The following PHC3 variants were observed in gnomAD, a reference collection of about 807,000 sequenced individuals.
PHC3 encodes the protein polyhomeotic homolog 3, also known as polyhomeotic-like protein 3.
In PHC3, 13 loss-of-function variants were observed where a neutral mutation model predicts 107.4. That is an observed-to-expected ratio of 0.12 (90% CI 0.08 to 0.19). The LOEUF is 0.19. PHC3 is among the 10% of genes least tolerant of loss of function. The pLI is 1.00. For synonymous variants in PHC3, 456 were observed against 427.4 expected (o/e 1.07, Z -0.83); for missense variants, 992 against 1,210.9 (o/e 0.82, Z 2.68).
intron 8 of PHC3, among the ~76,000 whole-genome samples, chr3:170,123,450 C>T (rs1178071492): frequency 6.6e-6 from 1 of 151,632 alleles, no homozygotes; most frequent in African/African-American, 2.4e-5. Context: ...GTTTTTAAGT[C>T]TATAACTTAA....
intron 10 of PHC3, among the ~76,000 whole-genome samples, chr3:170,114,759 T>C (rs1718571252): frequency 1.3e-5 from 2 of 152,212 alleles, no homozygotes; most frequent in Non-Finnish European, 2.9e-5. Flanking sequence ...ACAGAATGAC[T>C]AGAACATCTT....
rs186669081 is a variant in PHC3 at position 170,096,034 on chromosome 3, G to A, written c.*1196C>T. 4 of 152,288 alleles carry A rather than the reference G, an allele frequency of 2.6e-5. No homozygotes were observed. The highest frequency in any genetic ancestry group is 7.2e-5 in the African/African-American group (3 of 41,570). 9.4% of individuals were successfully genotyped at this position (152,288 alleles called of 1,614,324 possible). A position where few individuals can be genotyped will look rare whatever the true frequency, so the allele number is the denominator to read the frequency against. On this transcript the variant is annotated 3_prime_UTR_variant, in exon 15 of 15. Transcript: ENST00000495893. ...TCTGCTACAAACTATTTTCTTGCCA[G>A]AAAAGGCTGTGCACTAGTTCATAGG... is the stretch of plus-strand genomic sequence containing the variant.
intron 4 of PHC3, among the ~76,000 whole-genome samples, chr3:170,161,423 G>T (rs1727870008): frequency 6.6e-6 from 1 of 152,290 alleles, no homozygotes; most frequent in East Asian, 1.9e-4. Context: ...CACAGAGAAG[G>T]TGGGGAAAAT....
intron 1 of PHC3, 145 bp downstream of exon 1, chr3:170,181,557 C>G: frequency 8.3e-7 from 1 of 1,205,596 alleles, no homozygotes; most frequent in South Asian, 1.3e-5. Context: ...CGGGCCTAGC[C>G]GGCTCCTCCA....
intron 4 of PHC3, among the ~76,000 whole-genome samples, chr3:170,151,900 T>A (rs1577179376): frequency 6.6e-6 from 1 of 152,320 alleles, no homozygotes; most frequent in South Asian, 2.1e-4. Flanking sequence ...GAATGGTGAC[T>A]GGAGGAAGCT....
rs552135042 is a variant in PHC3 at position 170,129,287 on chromosome 3, T to G, written c.1185A>C (p.Thr395=). The change falls in exon 8 of 15, where the codon ACA becomes ACC. Residue 395 remains threonine (T), a synonymous_variant. Coordinates refer to ENST00000495893, the MANE Select transcript of PHC3 (RefSeq NM_024947.4). ...SPIQSHPSPL[T]VSPNQSQSAQ... ...CTGACTGTGACTGATTAGGAGACAC[T>G]GTTAAAGGAGAGGGATGACTCTGAA... The G allele has an allele frequency of 5.0e-6, 8 of 1,613,894 alleles. No individual in the cohort carries two copies. In the East Asian group the frequency reaches 1.1e-4, roughly 22 times the overall value.
At chr3:170,177,332 A>G (rs1353411412) in intron 2 of PHC3, among the ~76,000 whole-genome samples, 1 of 152,158 alleles carries the variant, frequency 6.6e-6, no homozygotes, top group Non-Finnish European at 1.5e-5. Flanking sequence ...ATAATCCTAT[A>G]AACTACATGC....
chr3:170,107,219 T>TA (rs35837798), intron 11 of PHC3, among the ~76,000 whole-genome samples: 43,966 of 151,482 alleles, frequency 0.29, 6,474 homozygotes, highest in East Asian at 0.49. Flanking sequence ...ATCTAAAATG[T>TA]AAAAAAAAAT....
chr3:170,137,838 G>A (rs748863210), intron 6 of PHC3, among the ~76,000 whole-genome samples: 1 of 152,150 alleles, frequency 6.6e-6, no homozygotes, highest in Non-Finnish European at 1.5e-5. Flanking sequence ...GGCAAAGGGT[G>A]CAGTGAGCCA....
At chr3:170,117,164 G>T in intron 10 of PHC3, 62 bp downstream of exon 10, 1 of 1,592,468 alleles carries the variant, frequency 6.3e-7, no homozygotes, top group Non-Finnish European at 8.6e-7. Context: ...ACAGTAATAT[G>T]TAACTTTTAA....
rs1714099113 is a variant in PHC3, at chr3:170,091,668, T to C, written c.*5562A>G. 1 of 152,162 alleles carries C rather than the reference T, an allele frequency of 6.6e-6. No homozygotes were observed. The allele number at this position is 152,162 out of a possible 1,614,324, so 9.4% of individuals were successfully genotyped here. A position where few individuals can be genotyped will look rare whatever the true frequency, so the allele number is the denominator to read the frequency against. On this transcript the variant is annotated 3_prime_UTR_variant, in exon 15 of 15. Coordinates refer to ENST00000495893, the MANE Select transcript of PHC3 (RefSeq NM_024947.4). ...TCAGAGCTGAAAAGGAGGGCAGAGA[T>C]TCTCCCTTAATGTATGTTTTCTAAA...
chr3:170,176,747 T>C (rs978631914), intron 2 of PHC3: 3 of 256,476 alleles, frequency 1.2e-5, no homozygotes, highest in African/African-American at 6.6e-5. Flanking sequence ...TCAATAAGTA[T>C]TAGCTATTAC....
intron 4 of PHC3, among the ~76,000 whole-genome samples, chr3:170,166,470 T>C (rs150754588): frequency 0.012 from 1,861 of 152,334 alleles, 40 homozygotes; most frequent in African/African-American, 0.042. Context: ...TAGACACATA[T>C]ACAGCATTTT....
At position 170,121,806 on chromosome 3, in the gene PHC3, T is replaced by C. The variant is rs146611542; in HGVS notation, c.1942+785A>G. 1.6e-4 allele frequency among the ~76,000 whole-genome samples: 24 copies of C among 152,368 alleles called. No homozygotes were observed. In the East Asian group the frequency reaches 2.9e-3, roughly 18 times the overall value. On this transcript the variant is annotated intron_variant, in intron 9 of 14. Coordinates refer to ENST00000495893, the MANE Select transcript of PHC3 (RefSeq NM_024947.4). ...CTTTTGAAAGAATTTTCATTTATTC[T>C]AATTTTTAAACTAGAAATAGTCTGA...
At position 170,123,356 on chromosome 3, in the gene PHC3, T is replaced by TACACACACACACACACACACACAC. The variant is rs3980601; in HGVS notation, c.1789-613_1789-612insGTGTGTGTGTGTGTGTGTGTGTGT. Among the ~76,000 whole-genome samples the TACACACACACACACACACACACAC allele has an allele frequency of 1.4e-3, 215 of 149,920 alleles. 1 individual carries two copies. Among genetic ancestry groups the TACACACACACACACACACACACAC allele is most frequent in the African/African-American group, 3.7e-3 (151 of 40,456 alleles). ...AGAAAATATCTTTCCTTGAAATGCA[T>TACACACACACACACACACACACAC]ACACACACACACACACACAGCCTAA... On this transcript the variant is annotated intron_variant, in intron 8 of 14. Transcript: ENST00000495893.
At chr3:170,162,022 G>A (rs1435591194) in intron 4 of PHC3, among the ~76,000 whole-genome samples, 1 of 152,144 alleles carries the variant, frequency 6.6e-6, no homozygotes, top group Non-Finnish European at 1.5e-5. Flanking sequence ...AAGGATATCT[G>A]GATGAAAAGA....
At chr3:170,149,563 T>A (rs1286919884) in intron 4 of PHC3, among the ~76,000 whole-genome samples, 1 of 152,160 alleles carries the variant, frequency 6.6e-6, no homozygotes, top group African/African-American at 2.4e-5. Flanking sequence ...CAAGTGATTC[T>A]CCTGCCTAAG....
rs34511229 is a variant in PHC3, at chr3:170,112,524, A to ATT, written c.2353+834_2353+835dup. On this transcript the variant is annotated intron_variant, in intron 11 of 14. Transcript: ENST00000495893. ...AGACATAAGCCACCGCGCCTGGCCTATTTTTTTTTTTTTTTTTGAGATGGA... is the reference window on the plus strand; with the variant it reads ...AGACATAAGCCACCGCGCCTGGCCTATTTTTTTTTTTTTTTTTTTGAGATGGA... Among the ~76,000 whole-genome samples the ATT allele has an allele frequency of 3.1e-3, 374 of 119,724 alleles. 3 individuals are homozygous for ATT. Among genetic ancestry groups the ATT allele is most frequent in the African/African-American group, 6.9e-3 (216 of 31,450 alleles). 78.5% of individuals were successfully genotyped at this position (119,724 alleles called of 152,430 possible). A position where few individuals can be genotyped will look rare whatever the true frequency, so the allele number is the denominator to read the frequency against.
At chr3:170,137,962 G>A (rs1046171324) in intron 6 of PHC3, among the ~76,000 whole-genome samples, 1 of 152,166 alleles carries the variant, frequency 6.6e-6, no homozygotes, top group Non-Finnish European at 1.5e-5. Context: ...AGCATTTTGG[G>A]AGGCCGAGGT....
Sources: gnomAD v4.1 joint callset for allele counts (sites outside exome capture counted in the v4.1 genomes callset) on GRCh38, gnomAD v4.1.1 for gene constraint, MANE v1.5 for transcripts, NCBI Gene and HGNC (gene_info 2026-07-23, HGNC 2026-07-21) for gene names.